The following HYKK variants were observed in gnomAD, a reference collection of about 807,000 sequenced individuals.
HYKK encodes the protein 5-hydroxy-L-lysine kinase.
HYKK carries 19 observed loss-of-function variants against 29.7 expected under a neutral mutation model. The observed-to-expected ratio is 0.64, with a 90% confidence interval of 0.45 to 0.94. The LOEUF (loss-of-function observed/expected upper bound fraction) is 0.94, where lower values mean the gene tolerates loss of function less well. HYKK is among the 40% of genes least tolerant of loss of function. The probability of loss-of-function intolerance (pLI) is 0.00; values close to 1 mark genes in which losing one functional copy is unlikely to be tolerated. For synonymous variants in HYKK, 152 were observed against 158.1 expected, an observed-to-expected ratio of 0.96 and a Z score of 0.29; for missense variants, 390 against 443.4, an observed-to-expected ratio of 0.88 and a Z score of 1.08.
At chr15:78,528,937 C>A in intron 4 of HYKK, 2 of 759,696 alleles carry the variant, frequency 2.6e-6, no homozygotes, top group Non-Finnish European at 3.2e-6. Context: ...GATTTTTTCC[C>A]TTCAAACCTG....
chr15:78,520,220 CTTTA>C lies in HYKK; in HGVS notation c.477+5145_477+5148del, dbSNP rs3053621. 4.7e-3 allele frequency among the ~76,000 whole-genome samples: 706 copies of C among 150,676 alleles called. 5 individuals carry two copies. Among genetic ancestry groups the C allele is most frequent in the African/African-American group, 0.012 (499 of 40,790 alleles). On this transcript the variant is annotated intron_variant, in intron 3 of 4. Coordinates refer to ENST00000388988, the MANE Select transcript of HYKK (RefSeq NM_001013619.4). ...CCCATGCCTTTGCAGGAGCTGAGTT[CTTTA>C]TTTATTTATTTATTTATTTATTTAT...
intron 1 of HYKK, among the ~76,000 whole-genome samples, chr15:78,511,186 C>T (rs1045540338): frequency 3.3e-5 from 5 of 151,964 alleles, no homozygotes; most frequent in Admixed American, 6.6e-5. Flanking sequence ...CTCACCCTCA[C>T]GATGTTATCA....
chr15:78,511,573 CA>C (rs1441480858), intron 1 of HYKK, among the ~76,000 whole-genome samples: 2 of 151,926 alleles, frequency 1.3e-5, no homozygotes, highest in African/African-American at 4.8e-5. Flanking sequence ...GCAAAAAATA[CA>C]AAAAATTAGC....
chr15:78,519,786 A>C (rs1029310423), intron 3 of HYKK, among the ~76,000 whole-genome samples: 1 of 152,030 alleles, frequency 6.6e-6, no homozygotes, highest in Non-Finnish European at 1.5e-5. Context: ...AAAAACAAAA[A>C]CCTTTGAACT....
At chr15:78,518,706 T>C in intron 3 of HYKK, 1 of 397,208 alleles carries the variant, frequency 2.5e-6, no homozygotes, top group Non-Finnish European at 5.1e-6. Context: ...TCACCTGAAG[T>C]CAGGAGTTAG....
At chr15:78,520,256 T>A (rs2052178278) in intron 3 of HYKK, among the ~76,000 whole-genome samples, 2 of 143,006 alleles carry the variant, frequency 1.4e-5, no homozygotes, top group South Asian at 4.4e-4. Context: ...TTATTTATTT[T>A]TATTGATCAT....
chr15:78,532,582 G>A (rs12438659), intron 4 of HYKK, among the ~76,000 whole-genome samples: 41,666 of 151,998 alleles, frequency 0.27, 6,397 homozygotes, highest in Admixed American at 0.47. Flanking sequence ...ATCATTTGAG[G>A]TCAGGAGTTT....
rs187285952 is a variant in HYKK, at chr15:78,521,267, T to C, written c.478-6113T>C. ...ACTAGTACTGGAATTTGGTTGCCAT[T>C]TGGTCCTCAGATGGGCTGGAAGTCA... On this transcript the variant is annotated intron_variant, in intron 3 of 4. Coordinates refer to ENST00000388988, the MANE Select transcript of HYKK (RefSeq NM_001013619.4). Among the ~76,000 whole-genome samples, 491 of 152,048 alleles carry C rather than the reference T, an allele frequency of 3.2e-3. 5 individuals are homozygous for C. The highest frequency in any genetic ancestry group is 3.8e-3 in the Non-Finnish European group (259 of 67,966).
Position 78,515,868 on chromosome 15 carries a change from G to A in HYKK, c.477+761G>A, listed in dbSNP as rs550267748. ...CTCCCAAAGTGCTGGGATTACAGGC[G>A]TGAGCCACTGTGGCCAGCCCAAAAA... On this transcript the variant is annotated intron_variant, in intron 3 of 4. Coordinates refer to ENST00000388988, the MANE Select transcript of HYKK (RefSeq NM_001013619.4). Among the ~76,000 whole-genome samples the A allele has an allele frequency of 7.9e-5, 12 of 152,240 alleles. No individual in the cohort carries two copies. In the South Asian group the frequency reaches 2.3e-3, roughly 29 times the overall value.
chr15:78,528,801 C>CCA, intron 4 of HYKK: 1 of 844,180 alleles, frequency 1.2e-6, no homozygotes, highest in Non-Finnish European at 1.4e-6. Flanking sequence ...AATCCGTCTC[C>CCA]AAAAAAAAAA....
At chr15:78,531,908 A>G (rs1314536544) in intron 4 of HYKK, among the ~76,000 whole-genome samples, 2 of 150,498 alleles carry the variant, frequency 1.3e-5, no homozygotes, top group East Asian at 1.9e-4. Context: ...TTTAAAATCT[A>G]TGATTTACAG....
chr15:78,533,187 T>C (rs771875685), intron 4 of HYKK, 23 bp from the exon 5 acceptor site: 2 of 1,425,684 alleles, frequency 1.4e-6, no homozygotes, highest in South Asian at 2.4e-5. Context: ...ATAACTGTTT[T>C]TACATGATTT....
intron 4 of HYKK, chr15:78,528,237 C>T (rs1245474841): frequency 1.2e-5 from 2 of 165,378 alleles, no homozygotes; most frequent in African/African-American, 2.4e-5. Context: ...CATAGGAGCA[C>T]AAACCCTACT....
chr15:78,523,558 A>G (rs756090279), intron 3 of HYKK, among the ~76,000 whole-genome samples: 17 of 152,134 alleles, frequency 1.1e-4, no homozygotes, highest in Non-Finnish European at 2.2e-4. Flanking sequence ...CCTTCTTCCA[A>G]TGCAAAATAC....
chr15:78,521,461 G>A (rs1389974016), intron 3 of HYKK, among the ~76,000 whole-genome samples: 1 of 151,748 alleles, frequency 6.6e-6, no homozygotes, highest in Non-Finnish European at 1.5e-5. Flanking sequence ...AAGTAATTGC[G>A]GGTTTGCCAT....
chr15:78,530,583 T>C (rs1365167497), intron 4 of HYKK, among the ~76,000 whole-genome samples: 2 of 152,230 alleles, frequency 1.3e-5, no homozygotes, highest in South Asian at 2.1e-4. Context: ...TATGTGGCTA[T>C]GGGCATTTGA....
At chr15:78,508,133 A>G (rs2052033258) in intron 1 of HYKK, among the ~76,000 whole-genome samples, 1 of 152,206 alleles carries the variant, frequency 6.6e-6, no homozygotes, top group Admixed American at 6.5e-5. Context: ...GAAGACCCTT[A>G]AAAGCACCTA....
Position 78,514,996 on chromosome 15 carries a change from G to GGT in HYKK, c.368_369dup (p.Arg124Ter), listed in dbSNP as rs765046136. 180 of 1,579,838 alleles carry GGT rather than the reference G, an allele frequency of 1.1e-4. No individual in the cohort carries two copies. The highest frequency in any genetic ancestry group is 1.5e-4 in the Non-Finnish European group (173 of 1,161,646). ...GTGGCTCTGAAATCAAAAGCTACTT[G>GGT]GTGAGGCTGCTGACTTACCTCCCAG... On this transcript the variant is annotated frameshift_variant, in exon 3 of 5. Coordinates refer to ENST00000388988, the MANE Select transcript of HYKK (RefSeq NM_001013619.4). LOFTEE classifies it high-confidence loss of function.
At chr15:78,524,390 C>T (rs982888765) in intron 3 of HYKK, among the ~76,000 whole-genome samples, 2 of 152,190 alleles carry the variant, frequency 1.3e-5, no homozygotes, top group Admixed American at 6.5e-5. Context: ...ACAACTGGGA[C>T]GTGGGGAGCA....
Sources: gnomAD v4.1 joint callset for allele counts (sites outside exome capture counted in the v4.1 genomes callset) on GRCh38, gnomAD v4.1.1 for gene constraint, MANE v1.5 for transcripts, NCBI Gene and HGNC (gene_info 2026-07-23, HGNC 2026-07-21) for gene names.